The following NAALADL2 variants were observed in gnomAD, a reference collection of about 807,000 sequenced individuals.
The protein encoded by NAALADL2 is N-acetylated alpha-linked acidic dipeptidase like 2.
In NAALADL2, 76 loss-of-function variants were observed where a neutral mutation model predicts 87.2. The observed-to-expected ratio is 0.87, with a 90% confidence interval of 0.72 to 1.05. The LOEUF (loss-of-function observed/expected upper bound fraction) is 1.05, where lower values mean the gene tolerates loss of function less well. Among genes scored for constraint, NAALADL2 ranks in the 50% least tolerant of loss-of-function variants. The probability of loss-of-function intolerance (pLI) is 0.00; values close to 1 mark genes in which losing one functional copy is unlikely to be tolerated. For synonymous variants in NAALADL2, 354 were observed against 331.0 expected, an observed-to-expected ratio of 1.07 and a Z score of -0.75; for missense variants, 1,089 against 945.8, an observed-to-expected ratio of 1.15 and a Z score of -1.99.
chr3:175,150,499 T>C (rs1444156684), intron 2 of NAALADL2, among the ~76,000 whole-genome samples: 1 of 152,150 alleles, frequency 6.6e-6, no homozygotes, highest in Non-Finnish European at 1.5e-5. Context: ...TGGAGCAATA[T>C]CTTATATGGT....
At chr3:175,562,244 A>G (rs1331286182) in intron 9 of NAALADL2, among the ~76,000 whole-genome samples, 2 of 152,176 alleles carry the variant, frequency 1.3e-5, no homozygotes, top group African/African-American at 4.8e-5. Context: ...GTGACAATAG[A>G]TGATTTACTT....
intron 1 of NAALADL2, among the ~76,000 whole-genome samples, chr3:174,492,344 A>G (rs1182605969): frequency 2.0e-5 from 3 of 152,164 alleles, no homozygotes; most frequent in South Asian, 4.1e-4. Flanking sequence ...TGGGTGCACA[A>G]TTAGATGCTT....
At chr3:175,153,700 A>G (rs1448008899) in intron 2 of NAALADL2, among the ~76,000 whole-genome samples, 2 of 152,230 alleles carry the variant, frequency 1.3e-5, no homozygotes, top group South Asian at 2.1e-4. Flanking sequence ...TAAAGTAAGG[A>G]AGAGCTATGT....
chr3:174,982,852 C>G (rs891880105), intron 1 of NAALADL2, among the ~76,000 whole-genome samples: 1 of 151,828 alleles, frequency 6.6e-6, no homozygotes, highest in Non-Finnish European at 1.5e-5. Flanking sequence ...GGCTGAAGTA[C>G]AGTGGCATGA....
intron 2 of NAALADL2, among the ~76,000 whole-genome samples, chr3:174,608,804 C>G (rs1719429514): frequency 6.6e-6 from 1 of 150,552 alleles, no homozygotes. Flanking sequence ...TCCTCCCTAA[C>G]TCATTTTATG....
At position 174,680,158 on chromosome 3, in the gene NAALADL2, A is replaced by ACGT. The variant is rs142082770; in HGVS notation, c.-114-57483_-114-57482insCGT. On this transcript the variant is annotated intron_variant, in intron 2 of 3. Transcript: ENST00000434257. ...GCAATTTCTTTGACAATTTCTCAAA[A>ACGT]TGTTGAAACTTGGTTTTGTTTCTTC... Among the ~76,000 whole-genome samples, 25 of 152,046 alleles carry ACGT rather than the reference A, an allele frequency of 1.6e-4. No individual in the cohort carries two copies. In the East Asian group the frequency reaches 4.4e-3, roughly 27 times the overall value.
intron 12 of NAALADL2, among the ~76,000 whole-genome samples, chr3:175,737,728 T>G (rs1163558874): frequency 7.1e-6 from 1 of 141,690 alleles, no homozygotes; most frequent in African/African-American, 2.7e-5. Flanking sequence ...TTTTTTTTTT[T>G]TTTTTTTTTT....
At chr3:175,595,608 G>A (rs1347328115) in intron 10 of NAALADL2, among the ~76,000 whole-genome samples, 1 of 151,870 alleles carries the variant, frequency 6.6e-6, no homozygotes, top group East Asian at 1.9e-4. Context: ...GCCCAGGCTT[G>A]GAGTCAAATC....
At chr3:174,956,551 A>G (rs1350663654) in intron 1 of NAALADL2, among the ~76,000 whole-genome samples, 1 of 151,934 alleles carries the variant, frequency 6.6e-6, no homozygotes, top group Non-Finnish European at 1.5e-5. Flanking sequence ...AAAGTTAAAA[A>G]CTCCTGTAAA....
intron 1 of NAALADL2, among the ~76,000 whole-genome samples, chr3:174,966,453 T>C (rs1291687837): frequency 6.6e-6 from 1 of 152,040 alleles, no homozygotes; most frequent in African/African-American, 2.4e-5. Flanking sequence ...TGTGGCAAAA[T>C]GTGTTAGTGG....
rs115132448 is a variant in NAALADL2, at chr3:175,518,319, A to G, written c.1653+46561A>G. Among the ~76,000 whole-genome samples, 181 of 152,294 alleles carry G rather than the reference A, an allele frequency of 1.2e-3. 1 individual carries two copies. Among genetic ancestry groups the G allele is most frequent in the African/African-American group, 4.3e-3 (180 of 41,562 alleles). On this transcript the variant is annotated intron_variant, in intron 9 of 13. Coordinates refer to ENST00000454872, the MANE Select transcript of NAALADL2 (RefSeq NM_207015.3). Reference sequence around the variant, plus strand: ...CATCCTCTTTCCTAAATTTTCAAACAACAATTAAACCAGATGGCCTCCCAT... The same window carrying G: ...CATCCTCTTTCCTAAATTTTCAAACGACAATTAAACCAGATGGCCTCCCAT...
chr3:175,293,798 AAGAT>A (rs1316484826), intron 4 of NAALADL2, among the ~76,000 whole-genome samples: 1 of 152,212 alleles, frequency 6.6e-6, no homozygotes, highest in Non-Finnish European at 1.5e-5. Flanking sequence ...CTGGAAATAT[AAGAT>A]ATAGATTGTT....
Position 175,600,525 on chromosome 3 carries a change from C to CTTTTTTTTTTTTTTTT in NAALADL2, c.1800+24353_1800+24368dup, listed in dbSNP as rs869212429. Among the ~76,000 whole-genome samples the CTTTTTTTTTTTTTTTT allele has an allele frequency of 1.5e-4, 9 of 61,068 alleles. 2 individuals are homozygous for CTTTTTTTTTTTTTTTT. The highest frequency in any genetic ancestry group is 2.5e-4 in the African/African-American group (4 of 16,202). The allele number at this position is 61,068 out of a possible 152,430, so 40.1% of individuals were successfully genotyped here. ...TTTTGTCCCACAAATGTGTCTTAGT[C>CTTTTTTTTTTTTTTTT]TTTTTTTTTTTTTTTTTTTTTTTTT... On this transcript the variant is annotated intron_variant, in intron 10 of 13. Coordinates refer to ENST00000454872, the MANE Select transcript of NAALADL2 (RefSeq NM_207015.3).
chr3:175,019,418 G>A (rs769054149), intron 1 of NAALADL2, among the ~76,000 whole-genome samples: 71 of 151,824 alleles, frequency 4.7e-4, no homozygotes, highest in Admixed American at 1.3e-4. Context: ...TATTCATAGC[G>A]GAACTATAAC....
At chr3:174,604,263 A>G (rs1718753196) in intron 2 of NAALADL2, among the ~76,000 whole-genome samples, 1 of 152,138 alleles carries the variant, frequency 6.6e-6, no homozygotes, top group African/African-American at 2.4e-5. Flanking sequence ...GAGTGCATAT[A>G]TGTTTAAAAT....
At chr3:175,720,502 C>T (rs1452576559) in intron 11 of NAALADL2, among the ~76,000 whole-genome samples, 1 of 152,062 alleles carries the variant, frequency 6.6e-6, no homozygotes, top group Non-Finnish European at 1.5e-5. Flanking sequence ...TTTTGACCTT[C>T]TCATTCTAAA....
intron 11 of NAALADL2, among the ~76,000 whole-genome samples, chr3:175,665,165 T>C (rs1732784844): frequency 6.6e-6 from 1 of 152,198 alleles, no homozygotes; most frequent in Non-Finnish European, 1.5e-5. Context: ...TCAGTGGAAT[T>C]TGAAACTTAC....
chr3:175,468,253 T>C (rs1724384663), intron 8 of NAALADL2, among the ~76,000 whole-genome samples: 1 of 152,098 alleles, frequency 6.6e-6, no homozygotes, highest in South Asian at 2.1e-4. Flanking sequence ...CACTGCAAAT[T>C]GGAATGCTTT....
At chr3:174,919,917 A>G (rs746605342) in intron 1 of NAALADL2, among the ~76,000 whole-genome samples, 3 of 151,866 alleles carry the variant, frequency 2.0e-5, no homozygotes, top group Non-Finnish European at 4.4e-5. Flanking sequence ...GTACACCTCC[A>G]CTCCACCTCT....
Sources: gnomAD v4.1 joint callset for allele counts (sites outside exome capture counted in the v4.1 genomes callset) on GRCh38, gnomAD v4.1.1 for gene constraint, MANE v1.5 for transcripts, NCBI Gene and HGNC (gene_info 2026-07-23, HGNC 2026-07-21) for gene names.